The following ANXA7 variants were observed in gnomAD, a reference collection of about 807,000 sequenced individuals.
The protein encoded by ANXA7 is annexin A7, also known as annexin VII.
Under a neutral mutation model 64.9 loss-of-function variants are expected in ANXA7, and 55 were observed. The observed-to-expected ratio is 0.85, with a 90% CI of 0.68 to 1.06. The LOEUF is 1.06. Among genes scored for constraint, ANXA7 ranks in the 50% least tolerant of loss-of-function variants. The pLI, the probability that ANXA7 is intolerant of heterozygous loss-of-function variation, is 0.00. For synonymous variants in ANXA7, 200 were observed against 192.4 expected, an observed-to-expected ratio of 1.04 and a Z score of -0.33; for missense variants, 548 against 582.1, an observed-to-expected ratio of 0.94 and a Z score of 0.60.
chr10:73,383,054 T>A (rs2055299692), intron 9 of ANXA7, 121 bp downstream of exon 9: 3 of 834,420 alleles, frequency 3.6e-6, no homozygotes, highest in Non-Finnish European at 5.4e-6. Context: ...GTGTTGTCCC[T>A]CTTAAAGATG....
chr10:73,408,422 A>T (rs1398782089), intron 1 of ANXA7: 1 of 152,160 alleles, frequency 6.6e-6, no homozygotes, highest in Non-Finnish European at 1.5e-5. Flanking sequence ...AATTTATGAG[A>T]TAAATTAATA....
rs202056959 is a variant in ANXA7, at chr10:73,376,145, C to G, written c.1351G>C (p.Asp451His). The change falls in exon 13 of 13, where the codon GAC (aspartate) becomes CAC (histidine). Residue 451 changes from aspartate to histidine, a missense_variant. Asp to His is a moderately conservative substitution (Grantham distance 81). Coordinates refer to ENST00000372921, the MANE Select transcript of ANXA7 (RefSeq NM_001156.5). ...QKTLGTMIAGDTSGDYRRLLL... is the reference protein window; with the variant it reads ...QKTLGTMIAGHTSGDYRRLLL... ...AGTCTTCGGTAATCTCCACTCGTGT[C>G]ACCTGCAATCATTGTGCCCAGAGTC... The G allele has an allele frequency of 8.1e-6, 13 of 1,608,374 alleles. No homozygotes were observed. In the East Asian group the frequency reaches 2.9e-4, roughly 36 times the overall value.
intron 7 of ANXA7, among the ~76,000 whole-genome samples, chr10:73,384,212 T>C (rs2055325613): frequency 6.6e-6 from 1 of 152,192 alleles, no homozygotes; most frequent in South Asian, 2.1e-4. Context: ...AGCAGATCTA[T>C]TTTATTCATT....
chr10:73,379,896 C>T lies in ANXA7; in HGVS notation c.1148G>A (p.Ser383Asn), dbSNP rs1326657464. ...TATCTTACAGATGGTCTTCAAACCA[C>T]TTTCTACATATCCGGAAAACTCACG... ...VSREFSGYVE[S>N]GLKTILQCAL... The change falls in exon 11 of 13, where the codon AGT becomes AAT. Residue 383 changes from serine to asparagine, a missense_variant. Coordinates refer to ENST00000372921, the MANE Select transcript of ANXA7 (RefSeq NM_001156.5). 1.9e-6 allele frequency: 3 copies of T among 1,614,202 alleles called. No individual in the cohort carries two copies. The highest frequency in any genetic ancestry group is 2.5e-6 in the Non-Finnish European group (3 of 1,180,024).
At chr10:73,410,536 C>A (rs894276396) in intron 1 of ANXA7, among the ~76,000 whole-genome samples, 4 of 152,128 alleles carry the variant, frequency 2.6e-5, no homozygotes, top group African/African-American at 9.7e-5. Context: ...GTAATCCCAG[C>A]ACTTTGGGAG....
At chr10:73,404,690 G>T (rs2055724347) in intron 1 of ANXA7, among the ~76,000 whole-genome samples, 1 of 148,312 alleles carries the variant, frequency 6.7e-6, no homozygotes, top group Admixed American at 6.6e-5. Context: ...GAGCTAGTGT[G>T]GATAAAGACA....
At position 73,377,185 on chromosome 10, in the gene ANXA7, C is replaced by T. The variant is rs527374551; in HGVS notation, c.1279-968G>A. ...TTTTATCACAACTTAAAACATCCTGCTTTGAAAATTTAAGTTAAAGAACAA... is the reference window on the plus strand; with the variant it reads ...TTTTATCACAACTTAAAACATCCTGTTTTGAAAATTTAAGTTAAAGAACAA... On this transcript the variant is annotated intron_variant, in intron 12 of 12. Coordinates refer to ENST00000372921, the MANE Select transcript of ANXA7 (RefSeq NM_001156.5). Among the ~76,000 whole-genome samples the T allele has an allele frequency of 3.9e-5, 6 of 152,222 alleles. No homozygotes were observed. In the East Asian group the frequency reaches 1.2e-3, roughly 29 times the overall value.
At chr10:73,409,822 G>C (rs1005340252) in intron 1 of ANXA7, among the ~76,000 whole-genome samples, 1 of 152,098 alleles carries the variant, frequency 6.6e-6, no homozygotes, top group Non-Finnish European at 1.5e-5. Flanking sequence ...TAGGCACATA[G>C]ACCAATGGAA....
At chr10:73,393,817 A>G (rs571427722) in intron 5 of ANXA7, among the ~76,000 whole-genome samples, 1 of 152,364 alleles carries the variant, frequency 6.6e-6, no homozygotes, top group South Asian at 2.1e-4. Flanking sequence ...TTCATGTCTA[A>G]AACACCAAAA....
At chr10:73,378,167 G>C (rs1186893575) in intron 12 of ANXA7, among the ~76,000 whole-genome samples, 1 of 151,720 alleles carries the variant, frequency 6.6e-6, no homozygotes, top group Non-Finnish European at 1.5e-5. Flanking sequence ...TTGAGGTCAG[G>C]AGTTCGAGAC....
At chr10:73,390,322 A>G (rs534233055) in intron 5 of ANXA7, among the ~76,000 whole-genome samples, 6 of 152,308 alleles carry the variant, frequency 3.9e-5, no homozygotes, top group African/African-American at 1.2e-4. Context: ...GCTTTTCAAG[A>G]TAACACTTTT....
At chr10:73,377,785 T>G (rs1033990953) in intron 12 of ANXA7, among the ~76,000 whole-genome samples, 3 of 148,946 alleles carry the variant, frequency 2.0e-5, no homozygotes, top group South Asian at 2.2e-4. Flanking sequence ...TGTGTGTGTG[T>G]GTGTGTGTGT....
chr10:73,398,637 G>T (rs2055614277), intron 2 of ANXA7, among the ~76,000 whole-genome samples: 1 of 151,500 alleles, frequency 6.6e-6, no homozygotes, highest in Non-Finnish European at 1.5e-5. Context: ...CTATTTGGGA[G>T]TCAGAACAGG....
chr10:73,377,826 C>CATGTGT (rs373575890), intron 12 of ANXA7, among the ~76,000 whole-genome samples: 1 of 122,518 alleles, frequency 8.2e-6, no homozygotes, highest in Non-Finnish European at 1.7e-5. Context: ...TAGGTTTCAC[C>CATGTGT]GTGTGTGTGT....
chr10:73,383,814 T>C, intron 7 of ANXA7, 124 bp from the exon 8 acceptor site: 2 of 693,192 alleles, frequency 2.9e-6, no homozygotes, highest in East Asian at 5.5e-5. Flanking sequence ...GAAAGCTGAA[T>C]GTTAATATAC....
intron 1 of ANXA7, among the ~76,000 whole-genome samples, chr10:73,406,334 G>C (rs1027458365): frequency 2.6e-5 from 4 of 152,138 alleles, no homozygotes; most frequent in African/African-American, 9.7e-5. Context: ...CTTAGACCAA[G>C]TTTCATCACT....
At chr10:73,378,470 T>A (rs376323000) in intron 12 of ANXA7, among the ~76,000 whole-genome samples, 25 of 152,078 alleles carry the variant, frequency 1.6e-4, no homozygotes, top group Non-Finnish European at 2.4e-4. Flanking sequence ...GTACAATTTT[T>A]AAAAATGAGG....
chr10:73,400,820 G>A lies in ANXA7; in HGVS notation c.37C>T (p.Pro13Ser), dbSNP rs754327659. The A allele has an allele frequency of 2.7e-5, 44 of 1,606,404 alleles. 1 individual carries two copies. In the South Asian group the frequency reaches 4.4e-4, roughly 16 times the overall value. Residue 13 changes from proline (P) to serine (S), a missense_variant, in exon 2 of 13, where the codon CCT (proline) becomes TCT (serine). Transcript: ENST00000372921. The stretch of plus-strand genomic sequence containing the variant: ...ATACTTACAGGATATCCAGGGAAAG[G>A]TGGGTAGCCTGTTGGGGGATAGCCT... ...YPGYPPTGYPPFPGYPPAGQE... is the reference protein window; with the variant it reads ...YPGYPPTGYPSFPGYPPAGQE...
chr10:73,380,068 A>T lies in ANXA7; in HGVS notation c.1052T>A (p.Phe351Tyr). 1 of 1,614,152 alleles carries T rather than the reference A, an allele frequency of 6.2e-7. No homozygotes were observed. The highest frequency in any genetic ancestry group is 8.5e-7 in the Non-Finnish European group (1 of 1,180,026). Residue 351 changes from phenylalanine to tyrosine, a missense_variant, in exon 10 of 13, where the codon TTT becomes TAT. Physicochemically the swap from Phe to Tyr is conservative, Grantham distance 22. Transcript: ENST00000372921. The part of the protein sequence containing the change: ...CFNMILATRS[F>Y]PQLRATMEAY... ...CTCCATGGTAGCTCTCAGCTGAGGAAAGCTTCTTGTGGCAAGGATCATGTT... is the reference window on the plus strand; with the variant it reads ...CTCCATGGTAGCTCTCAGCTGAGGATAGCTTCTTGTGGCAAGGATCATGTT...
Sources: allele counts gnomAD v4.1 joint callset (sites outside exome capture counted in the v4.1 genomes callset), GRCh38; gene constraint gnomAD v4.1.1; transcripts MANE v1.5; gene names NCBI Gene and HGNC (gene_info 2026-07-23, HGNC 2026-07-21).